Variants in KIAA1217 observed in about 807,000 individuals in gnomAD.
The protein encoded by KIAA1217 is sickle tail protein homolog.
A neutral mutation model predicts 163.9 loss-of-function variants in KIAA1217; 88 were observed. The ratio of observed to expected loss-of-function variants is 0.54; its 90% CI spans 0.45 to 0.64. The LOEUF is 0.64. Among genes scored for constraint, KIAA1217 ranks in the 30% least tolerant of loss-of-function variants. The pLI is 0.00. For missense variants in KIAA1217, 2,372 were observed against 2,475.0 expected, an observed-to-expected ratio of 0.96 and a Z score of 0.88; for synonymous variants, 903 against 923.1, an observed-to-expected ratio of 0.98 and a Z score of 0.39.
chr10:24,236,338 C>T (rs1277591127), intron 2 of KIAA1217, among the ~76,000 whole-genome samples: 1 of 152,068 alleles, frequency 6.6e-6, no homozygotes, highest in African/African-American at 2.4e-5. Flanking sequence ...GGAATCTCCG[C>T]CTCCCAGATT....
intron 1 of KIAA1217, among the ~76,000 whole-genome samples, chr10:23,729,948 C>T (rs1838382635): frequency 6.6e-6 from 1 of 151,608 alleles, no homozygotes; most frequent in Non-Finnish European, 1.5e-5. Context: ...GTCACCCAGG[C>T]TGGAGTGCAG....
intron 1 of KIAA1217, among the ~76,000 whole-genome samples, chr10:23,702,666 T>TACACACACAC (rs377621544): frequency 6.2e-4 from 83 of 134,420 alleles, no homozygotes; most frequent in East Asian, 1.8e-3. Context: ...AACAGGAGAA[T>TACACACACAC]ACACACACAC....
At chr10:23,987,892 T>C (rs752799201) in intron 1 of KIAA1217, among the ~76,000 whole-genome samples, 2 of 152,168 alleles carry the variant, frequency 1.3e-5, no homozygotes, top group African/African-American at 2.4e-5. Context: ...ATTTTAAAGG[T>C]GGTTTGCAAA....
chr10:24,017,460 A>G lies in KIAA1217; in HGVS notation c.-171+10086A>G, dbSNP rs117813847. Among the ~76,000 whole-genome samples, 85 of 152,236 alleles carry G rather than the reference A, an allele frequency of 5.6e-4. 1 individual carries two copies. The East Asian group carries it at 0.015, about 26-fold the overall frequency. On this transcript the variant is annotated intron_variant, in intron 2 of 18. Transcript: ENST00000376462. ...CAATGTATTTCCTCTAGTTCCACAC[A>G]GATGCCAACCTTAATTAAGATGTAA... is the stretch of plus-strand genomic sequence containing the variant.
chr10:23,844,501 C>A (rs1838929529), intron 1 of KIAA1217, among the ~76,000 whole-genome samples: 1 of 152,104 alleles, frequency 6.6e-6, no homozygotes, highest in African/African-American at 2.4e-5. Context: ...AAACACAAGC[C>A]CAGTTTTCAT....
chr10:24,162,169 C>T (rs1000079238), intron 2 of KIAA1217, among the ~76,000 whole-genome samples: 14 of 152,210 alleles, frequency 9.2e-5, no homozygotes, highest in African/African-American at 3.1e-4. Context: ...AATATCCTTT[C>T]TACAGAATCC....
chr10:24,165,629 C>T (rs115906852), intron 2 of KIAA1217, among the ~76,000 whole-genome samples: 2,672 of 152,176 alleles, frequency 0.018, 78 homozygotes, highest in African/African-American at 0.061. Context: ...ATACAAAATT[C>T]GAGTTTTAAA....
chr10:24,333,997 T>C (rs714326), intron 2 of KIAA1217, among the ~76,000 whole-genome samples: 16,909 of 152,230 alleles, frequency 0.11, 999 homozygotes, highest in East Asian at 0.16. Flanking sequence ...CAACTTGGAA[T>C]AGATTTAAAA....
At chr10:24,457,533 G>A (rs1033328690) in intron 5 of KIAA1217, among the ~76,000 whole-genome samples, 7 of 151,976 alleles carry the variant, frequency 4.6e-5, no homozygotes, top group African/African-American at 1.7e-4. Context: ...AGTAGCCAGG[G>A]TACAGGCATG....
chr10:24,153,960 T>TA (rs1564763844), intron 2 of KIAA1217, among the ~76,000 whole-genome samples: 1 of 138,088 alleles, frequency 7.2e-6, no homozygotes, highest in African/African-American at 3.0e-5. Context: ...CAAAAAATAT[T>TA]TTTTTTTTTT....
At chr10:24,106,091 C>T (rs1009073221) in intron 2 of KIAA1217, among the ~76,000 whole-genome samples, 2 of 152,186 alleles carry the variant, frequency 1.3e-5, no homozygotes, top group African/African-American at 2.4e-5. Flanking sequence ...TACCACACCA[C>T]ATATCAGATG....
intron 2 of KIAA1217, among the ~76,000 whole-genome samples, chr10:24,314,935 C>T (rs937184198): frequency 6.6e-6 from 1 of 151,874 alleles, no homozygotes; most frequent in African/African-American, 2.4e-5. Flanking sequence ...CAGAGCGAGA[C>T]TGTCTCGAAA....
chr10:24,387,151 C>G (rs1322841295), intron 3 of KIAA1217, among the ~76,000 whole-genome samples: 2 of 152,104 alleles, frequency 1.3e-5, no homozygotes, highest in African/African-American at 4.8e-5. Context: ...TGCAAAAATT[C>G]TCAGTAAAAT....
At chr10:23,715,813 A>G (rs1019537832) in intron 1 of KIAA1217, among the ~76,000 whole-genome samples, 1 of 152,222 alleles carries the variant, frequency 6.6e-6, no homozygotes, top group Non-Finnish European at 1.5e-5. Context: ...CAAAGCTTAC[A>G]TGACACTTTA....
chr10:24,266,660 A>G (rs1448248101), intron 2 of KIAA1217, among the ~76,000 whole-genome samples: 2 of 152,180 alleles, frequency 1.3e-5, no homozygotes, highest in African/African-American at 2.4e-5. Flanking sequence ...AGCGCTCTGT[A>G]AAATGCACTA....
chr10:23,919,651 CTCATTCAT>C (rs143283636), intron 1 of KIAA1217, among the ~76,000 whole-genome samples: 1 of 143,772 alleles, frequency 7.0e-6, no homozygotes, highest in African/African-American at 2.5e-5. Context: ...GATTCATTTA[CTCATTCAT>C]TCATTCATTC....
Position 24,527,995 on chromosome 10 carries a change from G to A in KIAA1217, c.2958G>A (p.Glu986=), listed in dbSNP as rs372268859. 7 of 1,614,064 alleles carry A rather than the reference G, an allele frequency of 4.3e-6. No individual in the cohort carries two copies. Among genetic ancestry groups the A allele is most frequent in the African/African-American group, 2.7e-5 (2 of 74,934 alleles). Residue 986 remains glutamate (E), a synonymous_variant, in exon 14 of 21, where the codon GAG becomes GAA. Coordinates refer to ENST00000376454, the MANE Select transcript of KIAA1217 (RefSeq NM_019590.5). ...RQNLDHYNGK[E]FEKLLEEAQA... ...ATCTGGATCACTATAATGGGAAAGAGTTTGAGAAGCTCCTAGAAGAAGCTC... is the reference window on the plus strand; with the variant it reads ...ATCTGGATCACTATAATGGGAAAGAATTTGAGAAGCTCCTAGAAGAAGCTC...
intron 2 of KIAA1217, among the ~76,000 whole-genome samples, chr10:24,338,114 C>T (rs372793359): frequency 3.3e-5 from 5 of 152,340 alleles, no homozygotes; most frequent in African/African-American, 1.2e-4. Flanking sequence ...CAGCCTCACT[C>T]AATTCCCCTT....
intron 1 of KIAA1217, among the ~76,000 whole-genome samples, chr10:24,004,267 G>C (rs1224900633): frequency 6.6e-6 from 1 of 151,862 alleles, no homozygotes; most frequent in Non-Finnish European, 1.5e-5. Flanking sequence ...ATGAACCACA[G>C]CACCCGGCCG....
Sources: gnomAD v4.1 joint callset for allele counts (sites outside exome capture counted in the v4.1 genomes callset) on GRCh38, gnomAD v4.1.1 for gene constraint, MANE v1.5 for transcripts, NCBI Gene and HGNC (gene_info 2026-07-23, HGNC 2026-07-21) for gene names.